Variants in DRC3 observed in about 807,000 individuals in gnomAD.
DRC3 encodes dynein regulatory complex subunit 3, also known as leucine rich repeat containing 48.
In DRC3, 45 loss-of-function variants were observed where a neutral mutation model predicts 57.6. The ratio of observed to expected loss-of-function variants is 0.78; its 90% CI spans 0.62 to 1.00. The LOEUF (loss-of-function observed/expected upper bound fraction) is 1.00, where lower values mean the gene tolerates loss of function less well. Ranked by LOEUF, DRC3 falls within the 50% of genes least tolerant of loss-of-function variation. DRC3 has a pLI of 0.00. For synonymous variants in DRC3, 257 were observed against 272.3 expected, an observed-to-expected ratio of 0.94 and a Z score of 0.55; for missense variants, 655 against 675.2, an observed-to-expected ratio of 0.97 and a Z score of 0.33.
In DRC3 at chr17:17,997,492, A is replaced by G; in HGVS notation, c.857A>G (p.Asn286Ser). ...YKDKFVIICV[N>S]IFEYGLKQQE... ...GACAAGTTTGTCATCATCTGCGTGAATATTTTTGAGTATGGCCTGAAACAG... is the reference window on the plus strand; with the variant it reads ...GACAAGTTTGTCATCATCTGCGTGAGTATTTTTGAGTATGGCCTGAAACAG... Residue 286 changes from asparagine to serine, a missense_variant, in exon 9 of 14, where the codon AAT becomes AGT. By Grantham distance (46) the Asn-to-Ser change is conservative (BLOSUM62 1). Coordinates refer to ENST00000399187, the MANE Select transcript of DRC3 (RefSeq NM_031294.4). 1.9e-6 allele frequency: 3 copies of G among 1,613,404 alleles called. No homozygotes were observed. Among genetic ancestry groups the G allele is most frequent in the Non-Finnish European group, 2.5e-6 (3 of 1,179,674 alleles).
rs751217070 is a variant in DRC3, at chr17:18,006,298, GC to G, written c.1202+49del. 76 of 1,420,888 alleles carry G rather than the reference GC, an allele frequency of 5.3e-5. No homozygotes were observed. In the Admixed American group the frequency reaches 1.3e-3, roughly 25 times the overall value. 88.0% of individuals were successfully genotyped at this position (1,420,888 alleles called of 1,614,324 possible). On this transcript the variant is annotated intron_variant, in intron 11 of 13. Coordinates refer to ENST00000399187, the MANE Select transcript of DRC3 (RefSeq NM_031294.4). ...CTTCCCCATGGGGAGGTGCTACAGA[GC>G]CCCTGGGCTTGTCCCGGCCTCTGGA...
intron 3 of DRC3, among the ~76,000 whole-genome samples, chr17:17,981,801 A>T (rs1022104917): frequency 6.6e-6 from 1 of 152,050 alleles, no homozygotes; most frequent in African/African-American, 2.4e-5. Context: ...GGTTCAAGTG[A>T]TTCTGCTGCC....
chr17:18,013,803 C>A (rs2044254269), intron 12 of DRC3, among the ~76,000 whole-genome samples: 1 of 151,998 alleles, frequency 6.6e-6, no homozygotes, highest in South Asian at 2.1e-4. Flanking sequence ...GTTCTCAACA[C>A]AAAGAAATGA....
Position 17,994,344 on chromosome 17 carries a change from A to C in DRC3, c.637A>C (p.Lys213Gln). Reference protein sequence around the residue: ...AKHQYSIDELKHQENLMQAQL... With the variant: ...AKHQYSIDELQHQENLMQAQL... ...GCACCAGTACAGCATCGACGAGCTG[A>C]AGCACCAGGAGAACCTGATGCAGGC... Residue 213 changes from lysine to glutamine, a missense_variant, in exon 7 of 14, where the codon AAG becomes CAG. By Grantham distance (53) the Lys-to-Gln change is moderately conservative (BLOSUM62 1). Transcript: ENST00000399187. The C allele has an allele frequency of 6.4e-7, 1 of 1,554,840 alleles. No homozygotes were observed. The highest frequency in any genetic ancestry group is 8.7e-7 in the Non-Finnish European group (1 of 1,149,048).
intron 8 of DRC3, among the ~76,000 whole-genome samples, chr17:17,996,571 T>G (rs2043467266): frequency 1.3e-5 from 2 of 152,136 alleles, no homozygotes; most frequent in African/African-American, 4.8e-5. Flanking sequence ...ATGGGAATTA[T>G]GGGAGTTACA....
intron 9 of DRC3, among the ~76,000 whole-genome samples, chr17:18,002,411 G>A (rs2043773967): frequency 6.6e-6 from 1 of 152,168 alleles, no homozygotes; most frequent in Non-Finnish European, 1.5e-5. Context: ...TCTGGTGTTG[G>A]TGGTAACCCA....
chr17:17,992,976 G>C lies in DRC3; in HGVS notation c.591+65G>C, dbSNP rs577391990. 2.5e-6 allele frequency: 4 copies of C among 1,579,076 alleles called. No homozygotes were observed. In the South Asian group the frequency reaches 4.5e-5, roughly 18 times the overall value. On this transcript the variant is annotated intron_variant, in intron 6 of 13. Transcript: ENST00000399187. ...GATTCCTCAAGCCCCCAGGTTTCTT[G>C]GAAAAGGGGCATTGAAGAGTAGCTT... is the stretch of plus-strand genomic sequence containing the variant.
At chr17:17,973,552 G>C (rs1239271048) in intron 1 of DRC3, 2 of 152,100 alleles carry the variant, frequency 1.3e-5, no homozygotes, top group African/African-American at 4.8e-5. Flanking sequence ...TAATGCATGT[G>C]CACTGAGCAC....
In DRC3 at chr17:17,992,834, G is replaced by A. The variant is rs2043293232; in HGVS notation, c.514G>A (p.Glu172Lys). ...CTCTAGGAACCCTATCTCTGAGGCA[G>A]AGGATTACAAGATGTTCATCTGTGC... ...SLSRNPISEAEDYKMFICAYL... is the reference protein window; with the variant it reads ...SLSRNPISEAKDYKMFICAYL... The change falls in exon 6 of 14, where the codon GAG becomes AAG. Residue 172 changes from glutamate to lysine, a missense_variant. Physicochemically the swap from Glu to Lys is moderately conservative, Grantham distance 56. Coordinates refer to ENST00000399187, the MANE Select transcript of DRC3 (RefSeq NM_031294.4). The A allele has an allele frequency of 3.1e-6, 5 of 1,613,898 alleles. No individual in the cohort carries two copies. Among genetic ancestry groups the A allele is most frequent in the South Asian group, 1.1e-5 (1 of 91,088 alleles).
intron 8 of DRC3, among the ~76,000 whole-genome samples, chr17:17,996,419 CAAAG>C (rs1465368485): frequency 6.6e-6 from 1 of 152,166 alleles, no homozygotes; most frequent in Non-Finnish European, 1.5e-5. Context: ...GGGCAGTGGG[CAAAG>C]AAAGAAAGCC....
intron 9 of DRC3, among the ~76,000 whole-genome samples, chr17:17,998,821 G>A (rs28537385): frequency 0.4 from 61,203 of 152,154 alleles, 13,475 homozygotes; most frequent in East Asian, 0.87. Context: ...TGTCAGCAGA[G>A]GAATACATTT....
rs759975461 is a variant in DRC3, at chr17:18,004,386, G to A, written c.1023G>A (p.Glu341=). Residue 341 remains glutamate (E), a synonymous_variant, in exon 10 of 14, where the codon GAG becomes GAA. Coordinates refer to ENST00000399187, the MANE Select transcript of DRC3 (RefSeq NM_031294.4). The part of the protein sequence containing the change: ...HLSSLSAIRE[E]LELPNIEKMI... ...AGAGTTTAAGTGCCATTCGAGAGGA[G>A]TTGGAACTGCCCAACATTGAGAAGA... 10 of 1,606,142 alleles carry A rather than the reference G, an allele frequency of 6.2e-6. No homozygotes were observed. The African/African-American group carries it at 8.0e-5, about 13-fold the overall frequency.
intron 12 of DRC3, among the ~76,000 whole-genome samples, chr17:18,013,833 T>C (rs1191059583): frequency 6.6e-6 from 1 of 152,170 alleles, no homozygotes; most frequent in African/African-American, 2.4e-5. Context: ...GAGACGGATA[T>C]GCTAATACCC....
chr17:18,009,030 G>A (rs1382075447), intron 12 of DRC3, among the ~76,000 whole-genome samples: 4 of 152,122 alleles, frequency 2.6e-5, no homozygotes, highest in Admixed American at 1.3e-4. Context: ...GTGGCTTTAC[G>A]CCTGCAGTTA....
intron 12 of DRC3, among the ~76,000 whole-genome samples, chr17:18,012,389 C>T (rs922413354): frequency 7.2e-5 from 11 of 152,168 alleles, no homozygotes; most frequent in African/African-American, 2.4e-4. Flanking sequence ...ACATGTAAGA[C>T]CTGAAACTGG....
chr17:17,992,640 C>G (rs2043284615), intron 5 of DRC3, 125 bp from the exon 6 acceptor site: 1 of 1,032,540 alleles, frequency 9.7e-7, no homozygotes, highest in Non-Finnish European at 1.4e-6. Flanking sequence ...GCCTGTCACC[C>G]CACCCCAGTG....
intron 10 of DRC3, chr17:18,005,405 C>A (rs2043910853): frequency 6.6e-6 from 1 of 152,258 alleles, no homozygotes; most frequent in Non-Finnish European, 1.5e-5. Flanking sequence ...CTATAGATTC[C>A]ACCCCTGCCC....
chr17:17,975,209 CCT>C, intron 2 of DRC3, among the ~76,000 whole-genome samples: 1 of 129,382 alleles, frequency 7.7e-6, no homozygotes, highest in Admixed American at 8.2e-5. Flanking sequence ...AAGTATAGCA[CCT>C]TTTTTTTTTT....
chr17:17,987,848 C>T (rs1232657415), intron 4 of DRC3, 84 bp from the exon 5 acceptor site: 1 of 1,411,042 alleles, frequency 7.1e-7, no homozygotes, highest in Non-Finnish European at 9.7e-7. Context: ...TCACAGGGCA[C>T]TCAGTAGCCC....
Sources: allele counts gnomAD v4.1 joint callset (sites outside exome capture counted in the v4.1 genomes callset), GRCh38; gene constraint gnomAD v4.1.1; transcripts MANE v1.5; gene names NCBI Gene and HGNC (gene_info 2026-07-23, HGNC 2026-07-21).